The following TMC5 variants were observed in gnomAD, a reference collection of about 807,000 sequenced individuals.
The protein encoded by TMC5 is transmembrane channel like 5.
A neutral mutation model predicts 110.5 loss-of-function variants in TMC5; 86 were observed. That is an observed-to-expected ratio of 0.78 (90% confidence interval 0.65 to 0.93). The LOEUF (loss-of-function observed/expected upper bound fraction) is 0.93. Ranked by LOEUF, TMC5 falls within the 40% of genes least tolerant of loss-of-function variation. The pLI is 0.00. For synonymous variants in TMC5, 455 were observed against 439.5 expected (o/e 1.04, Z -0.44); for missense variants, 1,144 against 1,222.8 (o/e 0.94, Z 0.96).
chr16:19,451,991 GT>G (rs1425112331), intron 5 of TMC5, among the ~76,000 whole-genome samples: 3 of 152,094 alleles, frequency 2.0e-5, no homozygotes, highest in Non-Finnish European at 4.4e-5. Context: ...TAGAGACGGG[GT>G]TTCGGCATTT....
At chr16:19,465,001 G>GTCTTTCTTTCTT (rs71375641) in intron 8 of TMC5, among the ~76,000 whole-genome samples, 12 of 73,696 alleles carry the variant, frequency 1.6e-4, no homozygotes, top group South Asian at 6.6e-4. Context: ...CTTTCCTTTT[G>GTCTTTCTTTCTT]TCTTTCTTTC....
chr16:19,420,733 G>C (rs1168035575), intron 1 of TMC5, among the ~76,000 whole-genome samples: 2 of 152,254 alleles, frequency 1.3e-5, no homozygotes, highest in African/African-American at 4.8e-5. Context: ...AAAGCCCCAG[G>C]ATTACAGGAT....
At chr16:19,412,487 T>G (rs1450126487) in intron 1 of TMC5, among the ~76,000 whole-genome samples, 1 of 152,048 alleles carries the variant, frequency 6.6e-6, no homozygotes, top group East Asian at 1.9e-4. Context: ...TGCCTCAACC[T>G]CCCAAGTAGC....
chr16:19,424,102 A>C (rs1192867260), intron 1 of TMC5, among the ~76,000 whole-genome samples: 1 of 152,152 alleles, frequency 6.6e-6, no homozygotes, highest in African/African-American at 2.4e-5. Context: ...TTAGTGTCAG[A>C]ACCCACAGGT....
intron 1 of TMC5, among the ~76,000 whole-genome samples, chr16:19,421,894 C>T (rs187924506): frequency 1.7e-4 from 25 of 151,156 alleles, no homozygotes; most frequent in Non-Finnish European, 1.0e-4. Context: ...TGCATCACTG[C>T]ACTCTGGCCT....
At chr16:19,456,712 G>A (rs1213286418) in intron 5 of TMC5, 1 of 1,607,226 alleles carries the variant, frequency 6.2e-7, no homozygotes, top group Non-Finnish European at 8.5e-7. Flanking sequence ...AGGAGATGCT[G>A]TCCGATGACC....
chr16:19,473,980 AAAAAAATTAAAATAAATAAAT>A, intron 11 of TMC5, 124 bp from the exon 12 acceptor site: 4 of 734,772 alleles, frequency 5.4e-6, no homozygotes, highest in Non-Finnish European at 8.1e-6. Flanking sequence ...ACTCCATCTC[AAAAAAATTAAAATAAATAAAT>A]AGATAAATAG....
chr16:19,469,594 A>T, intron 9 of TMC5, 87 bp from the exon 10 acceptor site: 1 of 1,532,484 alleles, frequency 6.5e-7, no homozygotes, highest in Non-Finnish European at 8.9e-7. Context: ...TTTCACCATT[A>T]ATAATAGGGC....
At chr16:19,490,762 CCCTT>C (rs1367363830) in intron 18 of TMC5, among the ~76,000 whole-genome samples, 194 bp downstream of exon 18, 1 of 46,590 alleles carries the variant, frequency 2.1e-5, no homozygotes, top group South Asian at 7.0e-4. Context: ...TTCCTTCCTT[CCCTT>C]CCTTTTTTTC....
chr16:19,439,115 C>T (rs1399918152), intron 2 of TMC5, among the ~76,000 whole-genome samples: 5 of 152,186 alleles, frequency 3.3e-5, no homozygotes, highest in Non-Finnish European at 7.3e-5. Context: ...TCTGTTGACA[C>T]CTCTTAGTTA....
chr16:19,414,737 C>G (rs578236408), upstream of TMC5, among the ~76,000 whole-genome samples: 165 of 148,876 alleles, frequency 1.1e-3, no homozygotes, highest in African/African-American at 3.8e-3. Flanking sequence ...GGAGACCACC[C>G]CCCGATCTCG....
intron 12 of TMC5, chr16:19,474,949 G>A (rs1200772741): frequency 6.6e-6 from 1 of 152,316 alleles, no homozygotes; most frequent in Non-Finnish European, 1.5e-5. Flanking sequence ...AACAAAGGTG[G>A]GAGGAGTGCT....
chr16:19,490,844 T>G (rs1340799709), intron 18 of TMC5, among the ~76,000 whole-genome samples: 1 of 142,874 alleles, frequency 7.0e-6, no homozygotes, highest in Non-Finnish European at 1.5e-5. Context: ...TTCCTTTCAG[T>G]TCCGTTCCTT....
intron 9 of TMC5, among the ~76,000 whole-genome samples, chr16:19,466,560 CA>C (rs1968195848): frequency 6.6e-6 from 1 of 152,142 alleles, no homozygotes; most frequent in Non-Finnish European, 1.5e-5. Context: ...CCATGTTGGC[CA>C]GGCTGGTCTC....
chr16:19,492,975 TTTTG>T (rs1968953542), intron 19 of TMC5, among the ~76,000 whole-genome samples: 1 of 137,582 alleles, frequency 7.3e-6, no homozygotes, highest in Admixed American at 7.5e-5. Context: ...TATTTATTTA[TTTTG>T]AGACAGAGTT....
intron 5 of TMC5, chr16:19,456,460 C>T (rs1414057701): frequency 2.4e-5 from 28 of 1,184,500 alleles, no homozygotes; most frequent in Non-Finnish European, 2.8e-5. Context: ...ACAGAATTCT[C>T]TGCAGGAAAA....
Position 19,439,957 on chromosome 16 carries a change from CA to C in TMC5, c.-79-2del, listed in dbSNP as rs946437923. On this transcript the variant is annotated splice_acceptor_variant, in intron 2 of 21. Coordinates refer to ENST00000542583, the MANE Select transcript of TMC5 (RefSeq NM_001261841.2). LOFTEE classifies it low-confidence loss of function (5UTR_SPLICE). ...GACTTTTTCTTTTCTTCTTGTTTTT[CA>C]GGTGAAAAAAAAAAAAGATCCCTGA... 2.2e-5 allele frequency: 26 copies of C among 1,207,248 alleles called. 1 individual carries two copies. The Admixed American group carries it at 5.3e-4, about 25-fold the overall frequency. The allele number at this position is 1,207,248 out of a possible 1,614,324, so 74.8% of individuals were successfully genotyped here.
intron 15 of TMC5, among the ~76,000 whole-genome samples, chr16:19,485,451 C>T (rs1033448840): frequency 6.6e-6 from 1 of 152,118 alleles, no homozygotes; most frequent in African/African-American, 2.4e-5. Flanking sequence ...TGCCTGCCAC[C>T]ACGCCCAGCT....
At chr16:19,493,502 C>T (rs1968972764) in intron 19 of TMC5, among the ~76,000 whole-genome samples, 1 of 146,898 alleles carries the variant, frequency 6.8e-6, no homozygotes, top group Admixed American at 6.9e-5. Flanking sequence ...ACTGTGTCTC[C>T]CAGGCTGGAA....
Sources: gnomAD v4.1 joint callset for allele counts (sites outside exome capture counted in the v4.1 genomes callset) on GRCh38, gnomAD v4.1.1 for gene constraint, MANE v1.5 for transcripts, NCBI Gene and HGNC (gene_info 2026-07-23, HGNC 2026-07-21) for gene names.